Variants in KIRREL3 observed in about 807,000 individuals in gnomAD.
KIRREL3 encodes kirre like nephrin family adhesion molecule 3.
In KIRREL3, 36 loss-of-function variants were observed where a neutral mutation model predicts 89.7. The ratio of observed to expected loss-of-function variants is 0.40; its 90% CI spans 0.31 to 0.53. KIRREL3 has a LOEUF of 0.53. Among genes scored for constraint, KIRREL3 ranks in the 20% least tolerant of loss-of-function variants. The probability of loss-of-function intolerance (pLI) is 0.49; values close to 1 mark genes in which losing one functional copy is unlikely to be tolerated. For missense variants in KIRREL3, 864 were observed against 1,056.6 expected, an observed-to-expected ratio of 0.82 and a Z score of 2.53; for synonymous variants, 445 against 441.4, an observed-to-expected ratio of 1.01 and a Z score of -0.10.
intron 1 of KIRREL3, among the ~76,000 whole-genome samples, chr11:126,792,548 G>A (rs1167782930): frequency 6.6e-6 from 1 of 152,048 alleles, no homozygotes. Flanking sequence ...CAATTCTTCA[G>A]GTATAAATCC....
intron 1 of KIRREL3, among the ~76,000 whole-genome samples, chr11:126,932,191 C>T (rs1038520114): frequency 1.3e-5 from 2 of 152,272 alleles, no homozygotes; most frequent in African/African-American, 2.4e-5. Flanking sequence ...TGTTTGTCTC[C>T]GACAAGAAAG....
At chr11:126,735,929 G>A (rs1171827517) in intron 1 of KIRREL3, among the ~76,000 whole-genome samples, 2 of 152,148 alleles carry the variant, frequency 1.3e-5, no homozygotes, top group African/African-American at 4.8e-5. Flanking sequence ...AGTATTTCCA[G>A]GCCCCCACCT....
At chr11:126,863,582 AGTGT>A (rs1351585166) in intron 1 of KIRREL3, among the ~76,000 whole-genome samples, 1 of 77,756 alleles carries the variant, frequency 1.3e-5, no homozygotes, top group East Asian at 3.8e-4. Context: ...ACTGCGTGTG[AGTGT>A]GTGTTTGAGT....
intron 1 of KIRREL3, among the ~76,000 whole-genome samples, chr11:126,915,726 C>T (rs1947010920): frequency 6.6e-6 from 1 of 152,220 alleles, no homozygotes; most frequent in African/African-American, 2.4e-5. Context: ...TAAGTTCTCT[C>T]CTGGTAGCTG....
chr11:126,922,165 ATCTATCTATC>A (rs1947375679), intron 1 of KIRREL3, among the ~76,000 whole-genome samples: 1 of 145,240 alleles, frequency 6.9e-6, no homozygotes, highest in Non-Finnish European at 1.5e-5. Context: ...CTATCTATCT[ATCTATCTATC>A]TCTATCATCT....
chr11:126,810,300 G>A (rs1951338015), intron 1 of KIRREL3, among the ~76,000 whole-genome samples: 1 of 152,158 alleles, frequency 6.6e-6, no homozygotes, highest in African/African-American at 2.4e-5. Context: ...GGAATATGCA[G>A]CAACAGCGGA....
intron 9 of KIRREL3, among the ~76,000 whole-genome samples, chr11:126,446,148 C>CAAAAAA (rs56820180): frequency 2.4e-5 from 2 of 83,246 alleles, no homozygotes; most frequent in African/African-American, 4.9e-5. Flanking sequence ...AACTCCATCT[C>CAAAAAA]AAAAAAAAAA....
At chr11:126,451,625 T>C (rs749936168) in intron 7 of KIRREL3, among the ~76,000 whole-genome samples, 3 of 149,654 alleles carry the variant, frequency 2.0e-5, no homozygotes, top group Non-Finnish European at 4.4e-5. Context: ...TGCATGTGTG[T>C]CCATGTGCAT....
In KIRREL3 at chr11:126,643,903, A is replaced by T. The variant is rs1944565441; in HGVS notation, c.56-80991T>A. 6.6e-6 allele frequency among the ~76,000 whole-genome samples: 1 copy of T among 152,156 alleles called. No homozygotes were observed. The highest frequency in any genetic ancestry group is 2.4e-5 in the African/African-American group (1 of 41,432). On this transcript the variant is annotated intron_variant, in intron 1 of 16. Transcript: ENST00000525144. This position sits in a 1 kb window ranked among gnomAD's most constrained non-coding sequence, Gnocchi z 4.5. ...AAGAATTGAAAAGATCATGATGTCA[A>T]CTCTAGCTCGAGAACACAGAGAAAA... is the stretch of plus-strand genomic sequence containing the variant.
rs1591793472 is a variant in KIRREL3 at position 126,594,801 on chromosome 11, C to A, written c.56-31889G>T. Among the ~76,000 whole-genome samples, 1 of 152,226 alleles carries A rather than the reference C, an allele frequency of 6.6e-6. No individual in the cohort carries two copies. The highest frequency in any genetic ancestry group is 6.5e-5 in the Admixed American group (1 of 15,286). ...GTTTTCCTAAAGCTCATATAAAATT[C>A]TGAAGCCTCAGCGATGGAACCTGCA... is the stretch of plus-strand genomic sequence containing the variant. On this transcript the variant is annotated intron_variant, in intron 1 of 16. Transcript: ENST00000525144. This position sits in a 1 kb window ranked among gnomAD's most constrained non-coding sequence, Gnocchi z 5.0.
At chr11:126,938,981 A>G (rs7118996) in intron 1 of KIRREL3, among the ~76,000 whole-genome samples, 98,954 of 151,972 alleles carry the variant, frequency 0.65, 32,976 homozygotes, top group African/African-American at 0.78. Flanking sequence ...CAGCCTAGGT[A>G]CCTGCCAGGG....
In KIRREL3 at chr11:126,485,226, A is replaced by G. The variant is rs545687251; in HGVS notation, c.434-11760T>C. ...CAGAGAGAAAAGAGGAACAAGGAGC[A>G]AGACGCAGGTTTAGGATGATGGCAT... On this transcript the variant is annotated intron_variant, in intron 4 of 16. Coordinates refer to ENST00000525144, the MANE Select transcript of KIRREL3 (RefSeq NM_032531.4). This position sits in a 1 kb window ranked among gnomAD's most constrained non-coding sequence, Gnocchi z 5.8. Among the ~76,000 whole-genome samples the G allele has an allele frequency of 2.0e-5, 3 of 152,302 alleles. No individual in the cohort carries two copies. The South Asian group carries it at 6.2e-4, about 32-fold the overall frequency.
chr11:126,930,692 C>T (rs1229067953), intron 1 of KIRREL3, among the ~76,000 whole-genome samples: 1 of 152,188 alleles, frequency 6.6e-6, no homozygotes, highest in Admixed American at 6.5e-5. Flanking sequence ...CCAGCTTCTT[C>T]CCTAATTGTC....
rs1946633647 is a variant in KIRREL3, at chr11:126,685,541, AAATT to A, written c.56-122633_56-122630del. ...TTAATAATCTATAGTTAATGAGATT[AAATT>A]AATTATTATTTTAATTATGACATGT... On this transcript the variant is annotated intron_variant, in intron 1 of 16. Transcript: ENST00000525144. This position sits in a 1 kb window ranked among gnomAD's most constrained non-coding sequence, Gnocchi z 5.5. 6.6e-6 allele frequency among the ~76,000 whole-genome samples: 1 copy of A among 152,228 alleles called. No homozygotes were observed. Among genetic ancestry groups the A allele is most frequent in the Non-Finnish European group, 1.5e-5 (1 of 68,034 alleles).
chr11:126,503,350 G>A (rs1407658010), intron 4 of KIRREL3, among the ~76,000 whole-genome samples: 1 of 152,140 alleles, frequency 6.6e-6, no homozygotes, highest in Non-Finnish European at 1.5e-5. Flanking sequence ...TGGGAGCAGA[G>A]GAGGAACCAT....
At chr11:126,497,197 TGTGTGA>T (rs931331891) in intron 4 of KIRREL3, among the ~76,000 whole-genome samples, 22 of 52,826 alleles carry the variant, frequency 4.2e-4, no homozygotes, top group Non-Finnish European at 4.5e-4. Context: ...AGTGTGAGTG[TGTGTGA>T]GTGTGAGTGT....
chr11:126,825,013 C>G (rs897332409), intron 1 of KIRREL3, among the ~76,000 whole-genome samples: 11 of 152,170 alleles, frequency 7.2e-5, no homozygotes, highest in African/African-American at 2.7e-4. Context: ...AAATGGGAGA[C>G]AATTTGACTG....
intron 1 of KIRREL3, among the ~76,000 whole-genome samples, chr11:126,988,177 T>G (rs1949925457): frequency 6.6e-6 from 1 of 152,224 alleles, no homozygotes; most frequent in African/African-American, 2.4e-5. Context: ...ATTTATTTAT[T>G]TATTTCTTAA....
At position 126,788,318 on chromosome 11, in the gene KIRREL3, T is replaced by C. The variant is rs891553347; in HGVS notation, c.55+212137A>G. ...GCTTCCACTTCCACTTGCTGAGATA[T>C]GGTTTTTCCCACTGTGCTACTCAGA... On this transcript the variant is annotated intron_variant, in intron 1 of 16. Coordinates refer to ENST00000525144, the MANE Select transcript of KIRREL3 (RefSeq NM_032531.4). This position sits in a 1 kb window ranked among gnomAD's most constrained non-coding sequence, Gnocchi z 4.1. Among the ~76,000 whole-genome samples the C allele has an allele frequency of 6.6e-6, 1 of 152,234 alleles. No homozygotes were observed. The highest frequency in any genetic ancestry group is 2.4e-5 in the African/African-American group (1 of 41,462).
Sources: allele counts gnomAD v4.1 joint callset (sites outside exome capture counted in the v4.1 genomes callset), GRCh38; gene constraint gnomAD v4.1.1; non-coding constraint Gnocchi (gnomAD v3.1); transcripts MANE v1.5; gene names NCBI Gene and HGNC (gene_info 2026-07-23, HGNC 2026-07-21).